Variants in FSTL4 observed in about 807,000 individuals in gnomAD.
FSTL4 encodes the protein follistatin-related protein 4.
In FSTL4, 28 loss-of-function variants were observed where a neutral mutation model predicts 78.2. That is an observed-to-expected ratio of 0.36 (90% CI 0.27 to 0.49). The LOEUF (loss-of-function observed/expected upper bound fraction) is 0.49. Ranked by LOEUF, FSTL4 falls within the 20% of genes least tolerant of loss-of-function variation. FSTL4 has a pLI of 0.98. For synonymous variants in FSTL4, 422 were observed against 440.5 expected, an observed-to-expected ratio of 0.96 and a Z score of 0.53; for missense variants, 922 against 1,084.9, an observed-to-expected ratio of 0.85 and a Z score of 2.11.
At chr5:133,797,639 AG>A in the FSTL4 span, among the ~76,000 whole-genome samples, 1 of 152,150 alleles carries the variant, frequency 6.6e-6, no homozygotes, top group Admixed American at 6.5e-5. Context: ...CTTGGCCAAG[AG>A]GGGGTCCGTT....
At chr5:133,764,493 G>A in the FSTL4 span, among the ~76,000 whole-genome samples, 4 of 152,298 alleles carry the variant, frequency 2.6e-5, no homozygotes, top group South Asian at 6.2e-4. Context: ...CCATAGGCAA[G>A]CCAAAGAATT....
chr5:133,405,681 C>T (rs886314803), intron 3 of FSTL4, among the ~76,000 whole-genome samples: 5 of 152,226 alleles, frequency 3.3e-5, no homozygotes, highest in Admixed American at 2.6e-4. Flanking sequence ...ATAACTTATA[C>T]CCTCACACGT....
the FSTL4 span, among the ~76,000 whole-genome samples, chr5:133,704,737 C>A: frequency 6.6e-6 from 1 of 152,308 alleles, no homozygotes; most frequent in African/African-American, 2.4e-5. Context: ...GTACCCAATG[C>A]CTGTCATCAC....
intron 3 of FSTL4, among the ~76,000 whole-genome samples, chr5:133,557,735 C>T (rs1476142193): frequency 6.6e-6 from 1 of 152,208 alleles, no homozygotes; most frequent in Admixed American, 6.5e-5. Flanking sequence ...AAGCCAGGTC[C>T]TTACACTCCA....
At chr5:133,609,161 T>C (rs890761112) in intron 1 of FSTL4, among the ~76,000 whole-genome samples, 3 of 152,078 alleles carry the variant, frequency 2.0e-5, no homozygotes, top group Non-Finnish European at 2.9e-5. Flanking sequence ...GACCAGAAAT[T>C]ACAAAGATGA....
At chr5:133,476,786 T>C (rs928766241) in intron 3 of FSTL4, among the ~76,000 whole-genome samples, 7 of 152,214 alleles carry the variant, frequency 4.6e-5, no homozygotes, top group Non-Finnish European at 8.8e-5. Flanking sequence ...CCTTTCTCTG[T>C]AGAGTGGACC....
intron 6 of FSTL4, among the ~76,000 whole-genome samples, chr5:133,289,047 T>C (rs1753198790): frequency 6.6e-6 from 1 of 151,872 alleles, no homozygotes; most frequent in Non-Finnish European, 1.5e-5. Context: ...CTCCACAGAG[T>C]GTATGCCCCT....
chr5:133,708,164 G>C, the FSTL4 span, among the ~76,000 whole-genome samples: 2 of 140,656 alleles, frequency 1.4e-5, no homozygotes, highest in Non-Finnish European at 3.1e-5. Context: ...GGAAGGGAGA[G>C]AGGGAGGGAG....
intron 6 of FSTL4, among the ~76,000 whole-genome samples, chr5:133,297,922 G>A (rs1355454686): frequency 1.3e-5 from 2 of 152,222 alleles, no homozygotes; most frequent in Admixed American, 1.3e-4. Flanking sequence ...TGGACCAGCA[G>A]TCCTCTATCC....
the FSTL4 span, among the ~76,000 whole-genome samples, chr5:133,806,048 ACTTTT>A: frequency 3.3e-5 from 5 of 152,202 alleles, no homozygotes; most frequent in African/African-American, 9.6e-5. Context: ...AATACTGCTA[ACTTTT>A]CTTTTATTTT....
the FSTL4 span, among the ~76,000 whole-genome samples, chr5:133,828,826 A>G: frequency 6.6e-6 from 1 of 152,256 alleles, no homozygotes; most frequent in African/African-American, 2.4e-5. Flanking sequence ...GATGATGCAA[A>G]ATAACAAGAC....
intron 3 of FSTL4, among the ~76,000 whole-genome samples, chr5:133,463,861 T>C (rs1349719216): frequency 1.3e-5 from 2 of 152,198 alleles, no homozygotes; most frequent in African/African-American, 2.4e-5. Flanking sequence ...GGCTGGAGAA[T>C]AGGAAGGACC....
At chr5:133,810,093 G>T in the FSTL4 span, among the ~76,000 whole-genome samples, 1 of 152,224 alleles carries the variant, frequency 6.6e-6, no homozygotes, top group Non-Finnish European at 1.5e-5. Context: ...CCACAGACTC[G>T]GCTCATTCTT....
chr5:133,642,089 G>A, the FSTL4 span, among the ~76,000 whole-genome samples: 1 of 152,148 alleles, frequency 6.6e-6, no homozygotes, highest in African/African-American at 2.4e-5. Flanking sequence ...CTAGGTCCCA[G>A]CTGTGTAACC....
At chr5:133,534,755 C>A (rs922497650) in intron 3 of FSTL4, among the ~76,000 whole-genome samples, 3 of 152,076 alleles carry the variant, frequency 2.0e-5, no homozygotes, top group African/African-American at 7.2e-5. Flanking sequence ...CCCTCACACG[C>A]CCAGCTGTCC....
intron 3 of FSTL4, among the ~76,000 whole-genome samples, chr5:133,409,676 T>C (rs1282665740): frequency 6.6e-6 from 1 of 152,200 alleles, no homozygotes; most frequent in Non-Finnish European, 1.5e-5. Context: ...CTCCACTTCA[T>C]TCAGAGCTCA....
intron 3 of FSTL4, among the ~76,000 whole-genome samples, chr5:133,505,181 T>A (rs1006302313): frequency 2.6e-5 from 4 of 152,214 alleles, no homozygotes; most frequent in African/African-American, 9.7e-5. Flanking sequence ...GGTGGTGGTA[T>A]TACAAGTAAT....
chr5:133,339,672 C>A (rs1172631830), intron 4 of FSTL4, among the ~76,000 whole-genome samples: 1 of 152,176 alleles, frequency 6.6e-6, no homozygotes, highest in Non-Finnish European at 1.5e-5. Context: ...TTCCTTTGAC[C>A]CTGAGTCCAG....
At chr5:133,276,468 G>A (rs954428063) in intron 6 of FSTL4, among the ~76,000 whole-genome samples, 32 of 152,186 alleles carry the variant, frequency 2.1e-4, no homozygotes, top group South Asian at 2.1e-4. Context: ...TTCTTGAAAA[G>A]TGTCCCTGAC....
Sources: gnomAD v4.1 joint callset for allele counts (sites outside exome capture counted in the v4.1 genomes callset) on GRCh38, gnomAD v4.1.1 for gene constraint, MANE v1.5 for transcripts, NCBI Gene and HGNC (gene_info 2026-07-23, HGNC 2026-07-21) for gene names.